WNK3: variants seen among roughly 807,000 people sequenced by gnomAD.
The protein encoded by WNK3 is serine/threonine-protein kinase WNK3.
Under a neutral mutation model 116.7 loss-of-function variants are expected in WNK3, and 18 were observed. The ratio of observed to expected loss-of-function variants is 0.15; its 90% CI spans 0.11 to 0.23. WNK3 has a LOEUF of 0.23. Ranked by LOEUF, WNK3 falls within the 10% of genes least tolerant of loss-of-function variation. WNK3 has a pLI of 1.00. For missense variants in WNK3, 993 were observed against 1,323.8 expected, an observed-to-expected ratio of 0.75 and a Z score of 3.88; for synonymous variants, 404 against 469.4, an observed-to-expected ratio of 0.86 and a Z score of 1.80.
chrX:54,207,062 G>A (rs782233940), intron 22 of WNK3, among the ~76,000 whole-genome samples: 13 of 107,741 alleles, frequency 1.2e-4, no homozygotes, highest in Admixed American at 4.0e-4. Context: ...TAATATGAGT[G>A]AAATGCTGTT....
At chrX:54,335,496 TCAC>T (rs2069222890) in intron 1 of WNK3, among the ~76,000 whole-genome samples, 2 of 111,527 alleles carry the variant, frequency 1.8e-5, no homozygotes, top group East Asian at 5.6e-4. Flanking sequence ...GCTTCCCTTC[TCAC>T]CACAATCATG....
intron 22 of WNK3, among the ~76,000 whole-genome samples, chrX:54,207,600 G>T (rs782386057): frequency 1.0e-5 from 1 of 97,896 alleles, no homozygotes; most frequent in African/African-American, 3.8e-5. Context: ...TGCAACCTCC[G>T]CTTCCCAGAT....
intron 22 of WNK3, among the ~76,000 whole-genome samples, chrX:54,211,552 T>C (rs1255456723): frequency 9.1e-6 from 1 of 110,467 alleles, no homozygotes; most frequent in African/African-American, 3.3e-5. Flanking sequence ...ACACCTGTAA[T>C]CCCAGCACTT....
At chrX:54,335,193 A>G (rs2147267269) in intron 1 of WNK3, among the ~76,000 whole-genome samples, 1 of 110,685 alleles carries the variant, frequency 9.0e-6, no homozygotes, top group South Asian at 3.9e-4. Context: ...CGAACCTGGG[A>G]GGCTGAGGTT....
chrX:54,317,088 A>G (rs191026277), intron 2 of WNK3, among the ~76,000 whole-genome samples: 90 of 111,721 alleles, frequency 8.1e-4, no homozygotes, highest in Non-Finnish European at 1.4e-3. Flanking sequence ...TGGTACATAC[A>G]TACAATGGAA....
At chrX:54,283,692 C>A (rs2068544958) in intron 10 of WNK3, among the ~76,000 whole-genome samples, 1 of 103,971 alleles carries the variant, frequency 9.6e-6, no homozygotes, top group African/African-American at 3.5e-5. Context: ...TGGCGTGAAC[C>A]TGGGAGGCGG....
At chrX:54,324,110 C>T (rs1046467034) in intron 2 of WNK3, among the ~76,000 whole-genome samples, 62 of 111,568 alleles carry the variant, frequency 5.6e-4, no homozygotes, top group African/African-American at 2.0e-3. Flanking sequence ...TGTCCACATT[C>T]GTTGGCTCAT....
At chrX:54,291,268 G>A (rs781953589) in intron 10 of WNK3, among the ~76,000 whole-genome samples, 10 of 110,669 alleles carry the variant, frequency 9.0e-5, no homozygotes, top group East Asian at 5.7e-4. Flanking sequence ...AGCCGAGATC[G>A]CGCCACTGCA....
At chrX:54,311,406 T>C (rs2147176138) in intron 2 of WNK3, 115 bp from the exon 3 acceptor site, 3 of 562,084 alleles carry the variant, frequency 5.3e-6, no homozygotes, top group South Asian at 6.7e-5. Flanking sequence ...TATTTATTTA[T>C]TTTTGCCTGT....
chrX:54,208,059 G>T (rs2067573561), intron 22 of WNK3, among the ~76,000 whole-genome samples: 1 of 110,914 alleles, frequency 9.0e-6, no homozygotes, highest in Non-Finnish European at 1.9e-5. Flanking sequence ...ACCTAAAAAA[G>T]ACAAACATTA....
intron 2 of WNK3, among the ~76,000 whole-genome samples, chrX:54,329,493 C>G (rs1423541978): frequency 9.1e-6 from 1 of 110,443 alleles, no homozygotes; most frequent in Non-Finnish European, 1.9e-5. Context: ...CAAAAATTAG[C>G]CGGGCATGGT....
intron 10 of WNK3, among the ~76,000 whole-genome samples, chrX:54,279,393 G>T (rs916547581): frequency 9.0e-6 from 1 of 110,504 alleles, no homozygotes; most frequent in Non-Finnish European, 1.9e-5. Flanking sequence ...AGGGAGACCC[G>T]TCTCTACACA....
chrX:54,233,279 A>T (rs1415529278), intron 20 of WNK3, among the ~76,000 whole-genome samples: 1 of 106,355 alleles, frequency 9.4e-6, no homozygotes, highest in African/African-American at 3.4e-5. Context: ...AAAAAAAAAA[A>T]ATACAAAAAT....
chrX:54,279,056 G>A (rs1250939453), intron 10 of WNK3, among the ~76,000 whole-genome samples: 1 of 109,831 alleles, frequency 9.1e-6, no homozygotes, highest in Non-Finnish European at 1.9e-5. Context: ...CGACAAGAGC[G>A]AAACTCCATC....
intron 10 of WNK3, among the ~76,000 whole-genome samples, chrX:54,267,437 C>T (rs782248250): frequency 7.7e-4 from 85 of 110,457 alleles, no homozygotes; most frequent in Non-Finnish European, 1.3e-3. Flanking sequence ...TAAAAAGAGT[C>T]AAAAGACATG....
chrX:54,289,985 T>C (rs1485701674), intron 10 of WNK3, among the ~76,000 whole-genome samples: 1 of 111,622 alleles, frequency 9.0e-6, no homozygotes, highest in Non-Finnish European at 1.9e-5. Context: ...GCAGAAAGGA[T>C]TGGTTGTGGC....
At chrX:54,331,731 T>C (rs1213543115) in intron 2 of WNK3, among the ~76,000 whole-genome samples, 1 of 111,526 alleles carries the variant, frequency 9.0e-6, no homozygotes, top group Non-Finnish European at 1.9e-5. Flanking sequence ...TCCAGATTTA[T>C]TGAATCAGAA....
intron 1 of WNK3, among the ~76,000 whole-genome samples, chrX:54,349,624 C>T (rs1164965731): frequency 6.3e-5 from 7 of 111,901 alleles, no homozygotes; most frequent in Non-Finnish European, 1.1e-4. Context: ...CAAGCTGATC[C>T]TCTAAAGAGT....
intron 22 of WNK3, among the ~76,000 whole-genome samples, chrX:54,213,910 C>A (rs1221431037): frequency 9.0e-6 from 1 of 111,123 alleles, no homozygotes; most frequent in Non-Finnish European, 1.9e-5. Flanking sequence ...TACCGAAACT[C>A]ACCCAACATG....
Sources: allele counts gnomAD v4.1 joint callset (sites outside exome capture counted in the v4.1 genomes callset), GRCh38; gene constraint gnomAD v4.1.1; transcripts MANE v1.5; gene names NCBI Gene and HGNC (gene_info 2026-07-23, HGNC 2026-07-21).